Variants in SRSF11 observed in about 807,000 individuals in gnomAD.
SRSF11 encodes the protein serine/arginine-rich splicing factor 11.
Under a neutral mutation model 56.0 loss-of-function variants are expected in SRSF11, and 9 were observed. The ratio of observed to expected loss-of-function variants is 0.16; its 90% confidence interval spans 0.10 to 0.28. SRSF11 has a LOEUF of 0.28. Among genes scored for constraint, SRSF11 ranks in the 10% least tolerant of loss-of-function variants. The pLI is 1.00. For missense variants in SRSF11, 421 were observed against 600.7 expected, an observed-to-expected ratio of 0.70 and a Z score of 3.13; for synonymous variants, 222 against 215.3, an observed-to-expected ratio of 1.03 and a Z score of -0.27.
intron 2 of SRSF11, chr1:70,230,696 T>C: frequency 8.2e-7 from 1 of 1,224,662 alleles, no homozygotes; most frequent in Non-Finnish European, 1.0e-6. Flanking sequence ...ATCAGATGCA[T>C]GACTTTTTTT....
intron 2 of SRSF11, chr1:70,229,591 ATAATT>A (rs754858930): frequency 1.9e-5 from 19 of 984,218 alleles, no homozygotes; most frequent in Non-Finnish European, 2.3e-5. Flanking sequence ...TTTTAAGTTA[ATAATT>A]TAATATGCTG....
chr1:70,237,697 C>T (rs990934737), intron 6 of SRSF11, 145 bp downstream of exon 6: 11 of 1,161,312 alleles, frequency 9.5e-6, no homozygotes, highest in East Asian at 2.6e-5. Flanking sequence ...GCCACTCAGA[C>T]GTATTTGGAG....
At chr1:70,230,274 T>C (rs1672593791) in intron 2 of SRSF11, 1 of 999,942 alleles carries the variant, frequency 1.0e-6, no homozygotes, top group Non-Finnish European at 1.2e-6. Context: ...AATTCTATTG[T>C]TGGTGAATTT....
chr1:70,217,979 TTGTGTG>T (rs1024718081), upstream of SRSF11, among the ~76,000 whole-genome samples: 3 of 152,010 alleles, frequency 2.0e-5, no homozygotes, highest in African/African-American at 4.8e-5. Flanking sequence ...TGTTTGTTTT[TTGTGTG>T]TGTTTTTTGT....
At chr1:70,237,775 T>C (rs1195136762) in intron 6 of SRSF11, among the ~76,000 whole-genome samples, 1 of 152,244 alleles carries the variant, frequency 6.6e-6, no homozygotes, top group Non-Finnish European at 1.5e-5. Flanking sequence ...TTGCTAGATA[T>C]CCTGCAACAA....
chr1:70,228,467 C>T lies in SRSF11; in HGVS notation c.249C>T (p.Phe83=). 1 of 1,612,930 alleles carries T rather than the reference C, an allele frequency of 6.2e-7. No individual in the cohort carries two copies. Among genetic ancestry groups the T allele is most frequent in the Middle Eastern group, 1.7e-4 (1 of 6,060 alleles). The change falls in exon 2 of 12, where the codon TTC becomes TTT. Residue 83 remains phenylalanine (F), a synonymous_variant. Transcript: ENST00000370949. ...PVSSRVCFVK[F]HDPDSAVVAQ... The stretch of plus-strand genomic sequence containing the variant: ...CATCTCGTGTCTGCTTTGTTAAGTT[C>T]CATGATCCAGACTCAGCAGTTGTGG...
chr1:70,216,793 T>C (rs1451016896), upstream of SRSF11, among the ~76,000 whole-genome samples: 1 of 152,176 alleles, frequency 6.6e-6, no homozygotes, highest in Non-Finnish European at 1.5e-5. Context: ...AAGCTTTCCC[T>C]TACTTACATC....
In SRSF11 at chr1:70,212,987, C is replaced by T. The variant is rs561987994; in HGVS notation, c.-26+7207C>T. Among the ~76,000 whole-genome samples the T allele has an allele frequency of 8.5e-4, 129 of 152,114 alleles. No homozygotes were observed. The Middle Eastern group carries it at 0.01, about 12-fold the overall frequency. ...GGCTGAGGCAGGAGGATCACTTGAA[C>T]CCATGAGTTTGAGGTTGCTGTGAAC... On this transcript the variant is annotated intron_variant, in intron 1 of 12. Coordinates refer to the SRSF11 transcript ENST00000370950.
Position 70,250,923 on chromosome 1 carries a change from T to G in SRSF11, c.*118T>G. ...GATGTATACAGCTCTGAGTTATAAA[T>G]GGTTATAAAGCTCCTGTTACTCATA... On this transcript the variant is annotated 3_prime_UTR_variant, in exon 12 of 12. Transcript: ENST00000370949. The G allele has an allele frequency of 1.1e-6, 1 of 874,796 alleles. No homozygotes were observed. The highest frequency in any genetic ancestry group is 1.8e-6 in the Non-Finnish European group (1 of 567,098). The allele number at this position is 874,796 out of a possible 1,614,324, so 54.2% of individuals were successfully genotyped here. A position where few individuals can be genotyped will look rare whatever the true frequency, so the allele number is the denominator to read the frequency against.
intron 7 of SRSF11, among the ~76,000 whole-genome samples, 158 bp from the exon 8 acceptor site, chr1:70,244,526 G>A (rs1211565551): frequency 1.3e-5 from 2 of 152,146 alleles, no homozygotes; most frequent in African/African-American, 4.8e-5. Flanking sequence ...GGTGTTGAAG[G>A]TGTTTGTTCT....
intron 2 of SRSF11, chr1:70,230,926 C>T: frequency 8.4e-7 from 1 of 1,195,872 alleles, no homozygotes; most frequent in Non-Finnish European, 1.1e-6. Context: ...TCTCCCCCTT[C>T]CCCTCCATAA....
chr1:70,210,952 G>A (rs963134119), intron 1 of SRSF11, among the ~76,000 whole-genome samples: 2 of 152,048 alleles, frequency 1.3e-5, no homozygotes, highest in Non-Finnish European at 2.9e-5. Flanking sequence ...AACAAGGGTG[G>A]TGGTAAACCA....
upstream of SRSF11, among the ~76,000 whole-genome samples, chr1:70,216,926 C>T (rs934836175): frequency 6.6e-6 from 1 of 152,160 alleles, no homozygotes; most frequent in African/African-American, 2.4e-5. Flanking sequence ...AAAGAGTGGA[C>T]TTCTTTTCTT....
chr1:70,240,373 G>T (rs1031066712), intron 7 of SRSF11, among the ~76,000 whole-genome samples: 2 of 152,180 alleles, frequency 1.3e-5, no homozygotes, highest in Non-Finnish European at 2.9e-5. Flanking sequence ...TCCTAGGGCA[G>T]TTCAATAGCC....
chr1:70,234,503 G>C (rs1190788082), intron 3 of SRSF11, among the ~76,000 whole-genome samples, 193 bp from the exon 4 acceptor site: 3 of 152,066 alleles, frequency 2.0e-5, no homozygotes, highest in African/African-American at 7.2e-5. Context: ...CATTTGTTTA[G>C]GTATCGTCTC....
At chr1:70,227,922 G>C (rs183638756) in intron 1 of SRSF11, among the ~76,000 whole-genome samples, 65 of 152,314 alleles carry the variant, frequency 4.3e-4, no homozygotes, top group African/African-American at 1.5e-3. Context: ...GTGGGTAAAA[G>C]AGTGCAGGGC....
At chr1:70,228,305 T>A (rs1672254898) in intron 1 of SRSF11, 117 bp from the exon 2 acceptor site, 1 of 665,368 alleles carries the variant, frequency 1.5e-6, no homozygotes, top group East Asian at 2.7e-5. Context: ...TTAACTACAT[T>A]AGTATACAGT....
intron 2 of SRSF11, chr1:70,230,390 A>C: frequency 1.8e-6 from 2 of 1,108,104 alleles, no homozygotes; most frequent in Non-Finnish European, 2.2e-6. Flanking sequence ...GTTTTAGAAC[A>C]GTAGACATAG....
At chr1:70,237,591 G>C in intron 6 of SRSF11, 39 bp downstream of exon 6, 1 of 1,598,686 alleles carries the variant, frequency 6.3e-7, no homozygotes, top group Non-Finnish European at 8.5e-7. Flanking sequence ...GTGATTCTTA[G>C]CAAAAATGAT....
Sources: allele counts gnomAD v4.1 joint callset (sites outside exome capture counted in the v4.1 genomes callset), GRCh38; gene constraint gnomAD v4.1.1; transcripts MANE v1.5; gene names NCBI Gene and HGNC (gene_info 2026-07-23, HGNC 2026-07-21).